EMC3: variants seen among roughly 807,000 people sequenced by gnomAD.
EMC3 encodes the protein 30 kDa protein.
EMC3 carries 13 observed loss-of-function variants against 36.6 expected under a neutral mutation model. That is an observed-to-expected ratio of 0.35 (90% CI 0.23 to 0.56). The LOEUF is 0.56. Among genes scored for constraint, EMC3 ranks in the 20% least tolerant of loss-of-function variants. The pLI is 0.84. For synonymous variants in EMC3, 120 were observed against 111.9 expected (o/e 1.07, Z -0.46); for missense variants, 220 against 324.5 (o/e 0.68, Z 2.47).
In EMC3 at chr3:9,997,361, C is replaced by T. The variant is rs547643330; in HGVS notation, c.-241-10459G>A. Among the ~76,000 whole-genome samples the T allele has an allele frequency of 4.6e-5, 7 of 152,284 alleles. No individual in the cohort carries two copies. The East Asian group carries it at 9.7e-4, about 21-fold the overall frequency. ...CTGGGATTACAGGCGTGTGCCGCCA[C>T]GCCCAGCCAGCATATTTTCAAGGTT... On this transcript the variant is annotated intron_variant, in intron 1 of 8. Transcript: ENST00000470827.
chr3:9,998,506 T>A (rs1390576573), intron 1 of EMC3, among the ~76,000 whole-genome samples: 1 of 151,840 alleles, frequency 6.6e-6, no homozygotes, highest in Non-Finnish European at 1.5e-5. Flanking sequence ...CATAGTTCAC[T>A]GCAGCCTGAA....
Position 9,974,492 on chromosome 3 carries a change from A to C in EMC3, c.308-4T>G, listed in dbSNP as rs113493577. 1.0e-4 allele frequency: 161 copies of C among 1,586,048 alleles called. 4 individuals are homozygous for C. In the Middle Eastern group the frequency reaches 1.3e-3, roughly 13 times the overall value. On this transcript the variant is annotated splice_polypyrimidine_tract_variant and splice_region_variant and intron_variant, in intron 3 of 7. Transcript: ENST00000245046. ...ATGTCTGTCAACATAGTAGGATCTA[A>C]GACAAAAGCACAAACAAGAAACCAC...
chr3:9,993,018 G>C, intron 1 of EMC3: 3 of 1,290,282 alleles, frequency 2.3e-6, no homozygotes, highest in Non-Finnish European at 3.4e-6. Context: ...CTTAGTAAGT[G>C]TCAGAGACTA....
intron 1 of EMC3, among the ~76,000 whole-genome samples, chr3:9,981,013 G>A (rs1307635369): frequency 6.6e-6 from 1 of 152,082 alleles, no homozygotes; most frequent in Non-Finnish European, 1.5e-5. Flanking sequence ...GAACAGCCTA[G>A]TCAACATAAT....
intron 1 of EMC3, among the ~76,000 whole-genome samples, chr3:9,997,954 C>G (rs2086148217): frequency 6.6e-6 from 1 of 152,078 alleles, no homozygotes; most frequent in African/African-American, 2.4e-5. Context: ...CATATGTTTA[C>G]CATTTTGAGG....
intron 3 of EMC3, among the ~76,000 whole-genome samples, chr3:9,976,444 C>T (rs767825747): frequency 2.0e-5 from 3 of 152,180 alleles, no homozygotes; most frequent in Non-Finnish European, 2.9e-5. Context: ...TTTCACATGA[C>T]TGGTATCAGT....
intron 1 of EMC3, among the ~76,000 whole-genome samples, chr3:9,983,005 C>T (rs975747771): frequency 1.3e-5 from 2 of 152,154 alleles, no homozygotes; most frequent in African/African-American, 2.4e-5. Flanking sequence ...TGAGACTGAG[C>T]CACTCCATGT....
At chr3:10,007,663 A>T (rs1421770496) in intron 1 of EMC3, 1 of 1,347,264 alleles carries the variant, frequency 7.4e-7, no homozygotes, top group Admixed American at 2.0e-5. Context: ...GGGCTTTCAT[A>T]AGGTAGGTTC....
At chr3:10,005,789 A>G (rs2086255735) in intron 1 of EMC3, among the ~76,000 whole-genome samples, 1 of 152,188 alleles carries the variant, frequency 6.6e-6, no homozygotes, top group African/African-American at 2.4e-5. Flanking sequence ...AATCATAGAA[A>G]GAAAATTCAA....
chr3:9,978,598 G>A (rs955268804), intron 1 of EMC3, among the ~76,000 whole-genome samples: 8 of 152,216 alleles, frequency 5.3e-5, no homozygotes, highest in African/African-American at 1.9e-4. Flanking sequence ...TTGGGAGGCC[G>A]AGGTGGGCGG....
intron 5 of EMC3, 117 bp downstream of exon 5, chr3:9,973,511 G>C: frequency 1.1e-6 from 1 of 922,514 alleles, no homozygotes; most frequent in Non-Finnish European, 1.7e-6. Flanking sequence ...GTTTTCTTGA[G>C]ACAGGGTCTT....
intron 3 of EMC3, among the ~76,000 whole-genome samples, chr3:9,974,759 C>T (rs1317979540): frequency 1.3e-5 from 2 of 151,676 alleles, no homozygotes; most frequent in Non-Finnish European, 2.9e-5. Flanking sequence ...GGGGTTTCAC[C>T]GTGTCAGCCA....
chr3:9,995,705 T>TC lies in EMC3; in HGVS notation c.-241-8804dup, dbSNP rs1401214875. ...AGACTGGAGTGCAGTTGGCGCTGTC[T>TC]CAGTTCAGTGCAACCTCTGCCTCCC... On this transcript the variant is annotated intron_variant, in intron 1 of 8. Transcript: ENST00000470827. Among the ~76,000 whole-genome samples, 7 of 152,124 alleles carry TC rather than the reference T, an allele frequency of 4.6e-5. No homozygotes were observed. The Middle Eastern group carries it at 0.01, about 222-fold the overall frequency.
At chr3:10,011,009 G>C (rs2086317719) in intron 1 of EMC3, 1 of 152,450 alleles carries the variant, frequency 6.6e-6, no homozygotes, top group Admixed American at 6.5e-5. Context: ...CAAGCTGCGG[G>C]GGGTGACCCT....
intron 1 of EMC3, among the ~76,000 whole-genome samples, chr3:10,009,493 T>G (rs1010611906): frequency 6.6e-6 from 1 of 152,176 alleles, no homozygotes; most frequent in African/African-American, 2.4e-5. Context: ...GATTCCTCCC[T>G]TTACTTTCCT....
intron 1 of EMC3, chr3:10,007,464 C>A (rs1438742297): frequency 7.3e-7 from 1 of 1,367,666 alleles, no homozygotes. Flanking sequence ...GGGCTCCTGG[C>A]TGTCTAGTGT....
rs751997112 is a variant in EMC3, at chr3:9,970,574, C to T, written c.574+8G>A. 8 of 1,614,036 alleles carry T rather than the reference C, an allele frequency of 5.0e-6. No individual in the cohort carries two copies. In the South Asian group the frequency reaches 8.8e-5, roughly 18 times the overall value. ...GTATTTGCTTAGTAAACCTGACATG[C>T]TTCTTACCATTATCTTGGCCCAGAA... On this transcript the variant is annotated splice_region_variant and intron_variant, in intron 6 of 7. Coordinates refer to ENST00000245046, the MANE Select transcript of EMC3 (RefSeq NM_001394674.1).
chr3:9,985,088 C>T (rs1011566303), intron 1 of EMC3, among the ~76,000 whole-genome samples: 2 of 152,212 alleles, frequency 1.3e-5, no homozygotes, highest in Admixed American at 1.3e-4. Flanking sequence ...AAACTTCAGT[C>T]ACTCTCATGC....
chr3:9,987,126 A>C, upstream of EMC3: 2 of 819,134 alleles, frequency 2.4e-6, no homozygotes, highest in Non-Finnish European at 3.0e-6. Context: ...AGGCAGGAGA[A>C]TGGCGTGAAC....
Sources: gnomAD v4.1 joint callset for allele counts (sites outside exome capture counted in the v4.1 genomes callset) on GRCh38, gnomAD v4.1.1 for gene constraint, MANE v1.5 for transcripts, NCBI Gene and HGNC (gene_info 2026-07-23, HGNC 2026-07-21) for gene names.